Variants in XKR9 observed in about 807,000 individuals in gnomAD.
XKR9 encodes the protein XK related 9, also known as XK-related protein 9.
XKR9 carries 32 observed loss-of-function variants against 32.0 expected under a neutral mutation model. That is an observed-to-expected ratio of 1.00 (90% CI 0.76 to 1.34). The LOEUF is 1.34. XKR9 is among the 40% of genes most tolerant of loss of function. The probability of loss-of-function intolerance (pLI) is 0.00; values close to 1 mark genes in which losing one functional copy is unlikely to be tolerated. For synonymous variants in XKR9, 168 were observed against 143.4 expected, an observed-to-expected ratio of 1.17 and a Z score of -1.22; for missense variants, 546 against 429.7, an observed-to-expected ratio of 1.27 and a Z score of -2.39.
At chr8:70,811,100 A>G in the XKR9 span, among the ~76,000 whole-genome samples, 19 of 152,378 alleles carry the variant, frequency 1.2e-4, no homozygotes, top group African/African-American at 4.6e-4. Flanking sequence ...CTCACAGACC[A>G]TAGTGCAATC....
the XKR9 span, among the ~76,000 whole-genome samples, chr8:71,010,564 C>A: frequency 0.43 from 65,668 of 151,902 alleles, 15,274 homozygotes; most frequent in Non-Finnish European, 0.53. Flanking sequence ...CTTGTAGCTG[C>A]AAATGGGATT....
At chr8:70,740,887 C>T (rs1365326417), downstream of XKR9, among the ~76,000 whole-genome samples, 1 of 152,204 alleles carries the variant, frequency 6.6e-6, no homozygotes, top group Non-Finnish European at 1.5e-5. Flanking sequence ...CTGGGGGTTG[C>T]CTCCCAGTTA....
chr8:71,028,004 G>T, the XKR9 span, among the ~76,000 whole-genome samples: 1 of 152,102 alleles, frequency 6.6e-6, no homozygotes, highest in Non-Finnish European at 1.5e-5. Context: ...AAACTTCGGG[G>T]TTCAAGTAAT....
chr8:70,867,183 A>G, the XKR9 span, among the ~76,000 whole-genome samples: 6 of 152,194 alleles, frequency 3.9e-5, no homozygotes, highest in Non-Finnish European at 7.3e-5. Flanking sequence ...CAAAGAGAAG[A>G]GAGAACTTGT....
At chr8:71,058,163 A>G in the XKR9 span, among the ~76,000 whole-genome samples, 51 of 150,696 alleles carry the variant, frequency 3.4e-4, no homozygotes, top group Non-Finnish European at 6.5e-4. Context: ...CCTGGGCAAC[A>G]GCGAGACTCC....
intron 1 of XKR9, 77 bp from the exon 2 acceptor site, chr8:70,674,741 A>T (rs2132098733): frequency 6.6e-6 from 1 of 152,344 alleles, no homozygotes; most frequent in Middle Eastern, 3.4e-3. Flanking sequence ...GCCACATATG[A>T]CTAACAGGTG....
At chr8:70,783,394 T>C (rs558494003) in intron 2 of XKR9, among the ~76,000 whole-genome samples, 1 of 151,898 alleles carries the variant, frequency 6.6e-6, no homozygotes, top group Non-Finnish European at 1.5e-5. Flanking sequence ...ACCCAGCTAA[T>C]TTTTTGTATT....
the XKR9 span, among the ~76,000 whole-genome samples, chr8:70,901,465 AAGTGTCTGTT>A: frequency 6.6e-6 from 1 of 152,100 alleles, no homozygotes; most frequent in African/African-American, 2.4e-5. Flanking sequence ...TTCTTTTGAG[AAGTGTCTGTT>A]CATATCCTTC....
the XKR9 span, among the ~76,000 whole-genome samples, chr8:70,885,817 C>T: frequency 3.9e-5 from 6 of 152,208 alleles, no homozygotes; most frequent in East Asian, 1.9e-4. Flanking sequence ...AGGATGGTCT[C>T]GATCTCCTGA....
chr8:71,047,457 G>A, the XKR9 span, among the ~76,000 whole-genome samples: 2 of 152,104 alleles, frequency 1.3e-5, no homozygotes, highest in Non-Finnish European at 2.9e-5. Flanking sequence ...GGCACATATC[G>A]TAAAACCACC....
chr8:70,963,061 T>A, the XKR9 span, among the ~76,000 whole-genome samples: 2 of 152,194 alleles, frequency 1.3e-5, no homozygotes, highest in Non-Finnish European at 2.9e-5. Context: ...GCTGCACAGA[T>A]CAACCCATCA....
At chr8:70,682,055 C>A (rs894391890) in intron 3 of XKR9, among the ~76,000 whole-genome samples, 10 of 151,976 alleles carry the variant, frequency 6.6e-5, no homozygotes, top group African/African-American at 2.4e-4. Context: ...ACATATTTTG[C>A]CTTTTTGAAG....
the XKR9 span, among the ~76,000 whole-genome samples, chr8:70,983,891 C>T: frequency 1.3e-5 from 2 of 150,068 alleles, no homozygotes; most frequent in African/African-American, 2.5e-5. Flanking sequence ...TAAGTCGAAG[C>T]GAATGTAATT....
chr8:71,007,638 GA>G, the XKR9 span, among the ~76,000 whole-genome samples: 2 of 151,534 alleles, frequency 1.3e-5, no homozygotes, highest in Admixed American at 6.6e-5. Context: ...GAAATAACAA[GA>G]AAAAAATTAA....
the XKR9 span, among the ~76,000 whole-genome samples, chr8:70,902,825 G>A: frequency 6.6e-6 from 1 of 152,294 alleles, no homozygotes; most frequent in Middle Eastern, 3.4e-3. Flanking sequence ...TTTATTGAGA[G>A]TTTTTAGCAT....
chr8:71,061,865 G>T, the XKR9 span, among the ~76,000 whole-genome samples: 1 of 152,124 alleles, frequency 6.6e-6, no homozygotes, highest in African/African-American at 2.4e-5. Flanking sequence ...GTATATTTAG[G>T]GTGCTATGCA....
chr8:70,977,004 A>G, the XKR9 span, among the ~76,000 whole-genome samples: 8 of 152,072 alleles, frequency 5.3e-5, no homozygotes, highest in African/African-American at 1.7e-4. Flanking sequence ...GTTTATTTTC[A>G]TAGAGGTGTT....
At chr8:70,670,524 A>G (rs978909885) in intron 1 of XKR9, 5 of 152,008 alleles carry the variant, frequency 3.3e-5, no homozygotes, top group African/African-American at 1.2e-4. Flanking sequence ...TTTTTTTAAA[A>G]AAAGGTGAGA....
At chr8:70,703,826 A>G (rs1372140678) in intron 3 of XKR9, among the ~76,000 whole-genome samples, 1 of 152,146 alleles carries the variant, frequency 6.6e-6, no homozygotes, top group Non-Finnish European at 1.5e-5. Flanking sequence ...ATATGGGAAT[A>G]CACTATGTTA....
Sources: gnomAD v4.1 joint callset for allele counts (sites outside exome capture counted in the v4.1 genomes callset) on GRCh38, gnomAD v4.1.1 for gene constraint, MANE v1.5 for transcripts, NCBI Gene and HGNC (gene_info 2026-07-23, HGNC 2026-07-21) for gene names.